The following RFFL variants were observed in gnomAD, a reference collection of about 807,000 sequenced individuals.
RFFL encodes E3 ubiquitin-protein ligase rififylin.
Under a neutral mutation model 40.4 loss-of-function variants are expected in RFFL, and 16 were observed. The observed-to-expected ratio is 0.40, with a 90% CI of 0.27 to 0.60. The LOEUF (loss-of-function observed/expected upper bound fraction) is 0.60, where lower values mean the gene tolerates loss of function less well. Ranked by LOEUF, RFFL falls within the 20% of genes least tolerant of loss-of-function variation. The probability of loss-of-function intolerance (pLI) is 0.47; values close to 1 mark genes in which losing one functional copy is unlikely to be tolerated. For synonymous variants in RFFL, 154 were observed against 167.9 expected, an observed-to-expected ratio of 0.92 and a Z score of 0.64; for missense variants, 367 against 451.7, an observed-to-expected ratio of 0.81 and a Z score of 1.70.
intron 1 of RFFL, among the ~76,000 whole-genome samples, chr17:35,027,041 C>T (rs1198737727): frequency 1.3e-5 from 2 of 152,130 alleles, no homozygotes; most frequent in African/African-American, 4.8e-5. Flanking sequence ...AATGATGCAA[C>T]CCAGACTCAA....
At chr17:35,014,119 A>G (rs2090958283) in intron 6 of RFFL, among the ~76,000 whole-genome samples, 1 of 152,206 alleles carries the variant, frequency 6.6e-6, no homozygotes, top group Non-Finnish European at 1.5e-5. Context: ...AGCATATTTT[A>G]GAATGTCCCC....
intron 3 of RFFL, among the ~76,000 whole-genome samples, chr17:35,020,093 AC>A (rs2090999298): frequency 6.6e-6 from 1 of 152,188 alleles, no homozygotes; most frequent in Non-Finnish European, 1.5e-5. Context: ...AGGTCTCTCA[AC>A]ATCCTGGCAA....
rs550677949 is a variant in RFFL, at chr17:35,088,125, A to G, written c.-9+980T>C. On this transcript the variant is annotated intron_variant, in intron 1 of 6. Coordinates refer to the RFFL transcript ENST00000315249. ...AGTCTCTCTGTCCTCCAAACCAATA[A>G]TCAAAGGGATACATAAGGAACTCAC... is the stretch of plus-strand genomic sequence containing the variant. Among the ~76,000 whole-genome samples, 60 of 152,290 alleles carry G rather than the reference A, an allele frequency of 3.9e-4. 1 individual carries two copies. The South Asian group carries it at 0.012, about 29-fold the overall frequency.
chr17:35,015,031 ATCTTGGC>A (rs1010110908), intron 5 of RFFL, among the ~76,000 whole-genome samples: 29 of 152,098 alleles, frequency 1.9e-4, no homozygotes, highest in Non-Finnish European at 3.5e-4. Context: ...CAGTGGCATG[ATCTTGGC>A]TCACTGCAAC....
chr17:35,049,618 A>G (rs2091220146), intron 1 of RFFL, among the ~76,000 whole-genome samples: 1 of 152,248 alleles, frequency 6.6e-6, no homozygotes, highest in Non-Finnish European at 1.5e-5. Flanking sequence ...CAAGGGGTGA[A>G]GCAATTCAGC....
intron 5 of RFFL, among the ~76,000 whole-genome samples, chr17:35,014,976 T>C (rs564209492): frequency 4.6e-5 from 7 of 152,320 alleles, no homozygotes; most frequent in African/African-American, 1.7e-4. Context: ...TTTTATTTTT[T>C]ATTTTTTTGA....
At chr17:35,044,978 C>T (rs2091190055) in intron 1 of RFFL, among the ~76,000 whole-genome samples, 1 of 151,734 alleles carries the variant, frequency 6.6e-6, no homozygotes, top group Admixed American at 6.6e-5. Context: ...CTCAAGTGAT[C>T]CTCCCACCTC....
At chr17:35,074,538 T>C (rs1469985171) in intron 1 of RFFL, among the ~76,000 whole-genome samples, 9 of 152,142 alleles carry the variant, frequency 5.9e-5, no homozygotes, top group Admixed American at 3.3e-4. Flanking sequence ...AGCTCAACCT[T>C]GACAGCTGGA....
At chr17:35,014,606 C>T in intron 6 of RFFL, 134 bp downstream of exon 6, 1 of 820,820 alleles carries the variant, frequency 1.2e-6, no homozygotes, top group South Asian at 1.5e-5. Context: ...CCCTGGGTCT[C>T]AGTGAGTTTC....
intron 2 of RFFL, 46 bp from the exon 3 acceptor site, chr17:35,021,827 C>T (rs1177185446): frequency 1.2e-6 from 2 of 1,601,206 alleles, no homozygotes; most frequent in Non-Finnish European, 1.7e-6. Flanking sequence ...ATTGAGAGAA[C>T]AAGACAGAGA....
intron 1 of RFFL, among the ~76,000 whole-genome samples, chr17:35,056,375 C>CT (rs71147455): frequency 0.19 from 22,814 of 120,664 alleles, 3,254 homozygotes; most frequent in African/African-American, 0.37. Flanking sequence ...TTTACTTCTA[C>CT]TTTTTTTTTT....
At chr17:35,034,907 G>A (rs1447121989) in intron 1 of RFFL, among the ~76,000 whole-genome samples, 2 of 152,102 alleles carry the variant, frequency 1.3e-5, no homozygotes, top group Non-Finnish European at 2.9e-5. Context: ...TCTTTGTCCC[G>A]AGGGGATTTG....
intron 1 of RFFL, among the ~76,000 whole-genome samples, chr17:35,039,198 C>T (rs1188546467): frequency 1.3e-5 from 2 of 151,988 alleles, no homozygotes; most frequent in Non-Finnish European, 2.9e-5. Context: ...TGGGCCCCTG[C>T]ACCCAGCCCA....
chr17:35,023,794 T>C (rs1032970623), intron 2 of RFFL, among the ~76,000 whole-genome samples: 14 of 152,304 alleles, frequency 9.2e-5, no homozygotes, highest in African/African-American at 3.1e-4. Context: ...GCTTGCTGGA[T>C]GCAAGATCAG....
chr17:35,083,642 A>G (rs752222730), intron 1 of RFFL, among the ~76,000 whole-genome samples: 14 of 151,918 alleles, frequency 9.2e-5, no homozygotes, highest in Non-Finnish European at 2.1e-4. Flanking sequence ...TCGGCTGGAC[A>G]TGGTGGCGCA....
At chr17:35,067,915 G>C (rs1010387147), upstream of RFFL, among the ~76,000 whole-genome samples, 2 of 152,082 alleles carry the variant, frequency 1.3e-5, no homozygotes, top group Non-Finnish European at 2.9e-5. Flanking sequence ...ACATAAGTCC[G>C]CTCACCCACA....
intron 5 of RFFL, among the ~76,000 whole-genome samples, chr17:35,015,973 C>A (rs779072985): frequency 6.6e-6 from 1 of 152,204 alleles, no homozygotes; most frequent in East Asian, 1.9e-4. Flanking sequence ...TATGTAGATT[C>A]ACTTTCTACC....
chr17:35,026,362 G>A lies in RFFL; in HGVS notation c.180+12C>T. The A allele has an allele frequency of 6.2e-7, 1 of 1,612,962 alleles. No homozygotes were observed. Among genetic ancestry groups the A allele is most frequent in the Non-Finnish European group, 8.5e-7 (1 of 1,179,606 alleles). Reference sequence around the variant, plus strand: ...CTGCAGTGGCAGAGCAGGCCAAGAAGTCAGCACTCACCTTCCTGGCCGTGT... The same window carrying A: ...CTGCAGTGGCAGAGCAGGCCAAGAAATCAGCACTCACCTTCCTGGCCGTGT... On this transcript the variant is annotated intron_variant, in intron 2 of 6. Coordinates refer to ENST00000394597, the MANE Select transcript of RFFL (RefSeq NM_001017368.2).
chr17:35,083,498 G>T (rs532258600), intron 1 of RFFL, among the ~76,000 whole-genome samples: 1 of 152,176 alleles, frequency 6.6e-6, no homozygotes, highest in South Asian at 2.1e-4. Context: ...AAAGAAAAGC[G>T]GGTCAGGCAC....
Sources: allele counts gnomAD v4.1 joint callset (sites outside exome capture counted in the v4.1 genomes callset), GRCh38; gene constraint gnomAD v4.1.1; transcripts MANE v1.5; gene names NCBI Gene and HGNC (gene_info 2026-07-23, HGNC 2026-07-21).